The following FRRS1 variants were observed in gnomAD, a reference collection of about 807,000 sequenced individuals.
FRRS1 encodes the protein ferric chelate reductase 1.
In FRRS1, 51 loss-of-function variants were observed where a neutral mutation model predicts 70.7. The observed-to-expected ratio is 0.72, with a 90% CI of 0.58 to 0.91. The LOEUF is 0.91. Ranked by LOEUF, FRRS1 falls within the 40% of genes least tolerant of loss-of-function variation. The pLI, the probability that FRRS1 is intolerant of heterozygous loss-of-function variation, is 0.00. For missense variants in FRRS1, 672 were observed against 726.0 expected, an observed-to-expected ratio of 0.93 and a Z score of 0.86; for synonymous variants, 225 against 238.7, an observed-to-expected ratio of 0.94 and a Z score of 0.53.
intron 9 of FRRS1, 130 bp from the exon 10 acceptor site, chr1:99,719,777 G>A: frequency 1.7e-6 from 1 of 592,070 alleles, no homozygotes; most frequent in Non-Finnish European, 3.0e-6. Context: ...AATATCAACA[G>A]AGATGTCATT....
chr1:99,733,539 C>T (rs996157796), intron 7 of FRRS1, among the ~76,000 whole-genome samples: 1 of 152,172 alleles, frequency 6.6e-6, no homozygotes, highest in African/African-American at 2.4e-5. Flanking sequence ...CAAAAGGGCA[C>T]AGAAGCCTGC....
At chr1:99,728,437 G>A in intron 9 of FRRS1, 56 bp downstream of exon 9, 1 of 1,406,258 alleles carries the variant, frequency 7.1e-7, no homozygotes, top group African/African-American at 1.4e-5. Flanking sequence ...ATGGGGGAAA[G>A]AGAGGGAAGA....
intron 12 of FRRS1, among the ~76,000 whole-genome samples, chr1:99,714,455 T>C (rs756458312): frequency 1.4e-4 from 22 of 152,222 alleles, no homozygotes; most frequent in Non-Finnish European, 3.1e-4. Context: ...GTGCTGGGAT[T>C]ACAGGTGTGA....
chr1:99,710,531 G>A (rs1420654390), intron 15 of FRRS1, among the ~76,000 whole-genome samples: 1 of 152,144 alleles, frequency 6.6e-6, no homozygotes, highest in East Asian at 1.9e-4. Context: ...GTCCATACTG[G>A]CTCTAAGTCA....
chr1:99,728,466 G>T (rs1655174409), intron 9 of FRRS1, 27 bp downstream of exon 9: 9 of 1,536,822 alleles, frequency 5.9e-6, no homozygotes, highest in African/African-American at 1.4e-5. Flanking sequence ...AAAGACACTT[G>T]AAAAGACAGC....
At chr1:99,741,530 C>T (rs1655960704) in intron 5 of FRRS1, among the ~76,000 whole-genome samples, 1 of 152,192 alleles carries the variant, frequency 6.6e-6, no homozygotes, top group Admixed American at 6.5e-5. Context: ...CATTAGATGG[C>T]ATTATAACAT....
chr1:99,719,140 G>A (rs1020755029), intron 10 of FRRS1, among the ~76,000 whole-genome samples: 10 of 152,188 alleles, frequency 6.6e-5, no homozygotes, highest in Middle Eastern at 3.4e-3. Context: ...GGCTAGGCAC[G>A]GTGACTCATG....
chr1:99,716,985 G>C (rs918105542), intron 11 of FRRS1, among the ~76,000 whole-genome samples: 2 of 152,172 alleles, frequency 1.3e-5, no homozygotes, highest in Non-Finnish European at 1.5e-5. Context: ...ACAACCAGAG[G>C]AGTGACCCTT....
chr1:99,758,790 A>T (rs900570500), intron 1 of FRRS1, among the ~76,000 whole-genome samples: 6 of 152,184 alleles, frequency 3.9e-5, no homozygotes, highest in Non-Finnish European at 8.8e-5. Context: ...GATATCGCTA[A>T]ATTCTTTTCC....
chr1:99,742,308 A>G (rs554467538), intron 4 of FRRS1, 35 bp from the exon 5 acceptor site: 2 of 1,250,422 alleles, frequency 1.6e-6, no homozygotes, highest in Admixed American at 3.4e-5. Context: ...CCATTCAGTC[A>G]CTCAATAGCT....
chr1:99,727,964 C>T (rs1373236865), intron 9 of FRRS1, among the ~76,000 whole-genome samples: 1 of 152,224 alleles, frequency 6.6e-6, no homozygotes, highest in Non-Finnish European at 1.5e-5. Context: ...ACCAGCAAGG[C>T]AGTGTGAGGC....
At chr1:99,726,913 T>C (rs1655104309) in intron 9 of FRRS1, among the ~76,000 whole-genome samples, 1 of 152,122 alleles carries the variant, frequency 6.6e-6, no homozygotes, top group African/African-American at 2.4e-5. Flanking sequence ...AATAGAGACT[T>C]GGTTTTGCCA....
At chr1:99,764,408 T>C (rs941425786) in intron 1 of FRRS1, among the ~76,000 whole-genome samples, 1 of 152,308 alleles carries the variant, frequency 6.6e-6, no homozygotes, top group South Asian at 2.1e-4. Context: ...CATGTAGTGT[T>C]TTATAATTTC....
At chr1:99,749,718 G>C (rs140717348) in intron 1 of FRRS1, among the ~76,000 whole-genome samples, 3 of 152,136 alleles carry the variant, frequency 2.0e-5, no homozygotes, top group Non-Finnish European at 4.4e-5. Context: ...CCCTCCCACA[G>C]CTCCAATCTT....
rs1654140072 is a variant in FRRS1, at chr1:99,708,824, G to A, written c.*204C>T. ...CCTTTAAGACCCAGAATTACATATA[G>A]GGCATGACATTAATTTATAGTCTAT... On this transcript the variant is annotated 3_prime_UTR_variant, in exon 17 of 17. Coordinates refer to ENST00000646001, the MANE Select transcript of FRRS1 (RefSeq NM_001361041.2). 3 of 980,350 alleles carry A rather than the reference G, an allele frequency of 3.1e-6. No homozygotes were observed. The highest frequency in any genetic ancestry group is 1.6e-5 in the African/African-American group (1 of 60,658). The allele number at this position is 980,350 out of a possible 1,614,324, so 60.7% of individuals were successfully genotyped here. A position where few individuals can be genotyped will look rare whatever the true frequency, so the allele number is the denominator to read the frequency against.
chr1:99,721,744 G>A (rs1019820988), intron 9 of FRRS1, among the ~76,000 whole-genome samples: 1 of 151,614 alleles, frequency 6.6e-6, no homozygotes, highest in South Asian at 2.1e-4. Context: ...GATTACAGGA[G>A]CCTGCCACTG....
Position 99,749,044 on chromosome 1 carries a change from T to A in FRRS1, c.-105-43A>T, listed in dbSNP as rs1409140083. Reference sequence around the variant, plus strand: ...AAAGATCTCTTTTCAATGCTGTTTTTTTTTTCTCGAGACATAGATCTCGCT... The same window carrying A: ...AAAGATCTCTTTTCAATGCTGTTTTATTTTTCTCGAGACATAGATCTCGCT... On this transcript the variant is annotated intron_variant, in intron 1 of 16. Coordinates refer to ENST00000646001, the MANE Select transcript of FRRS1 (RefSeq NM_001361041.2). 1.9e-5 allele frequency: 5 copies of A among 265,370 alleles called. No individual in the cohort carries two copies. The East Asian group carries it at 4.3e-4, about 23-fold the overall frequency. 16.4% of individuals were successfully genotyped at this position (265,370 alleles called of 1,614,324 possible). A position where few individuals can be genotyped will look rare whatever the true frequency, so the allele number is the denominator to read the frequency against.
Position 99,747,388 on chromosome 1 carries a change from G to A in FRRS1, c.239C>T (p.Ala80Val), listed in dbSNP as rs192316051. 5.6e-6 allele frequency: 9 copies of A among 1,613,084 alleles called. No individual in the cohort carries two copies. Among genetic ancestry groups the A allele is most frequent in the Admixed American group, 5.0e-5 (3 of 59,970 alleles). ...GCCATTCAGATCCTCAGCATTACGCGCTTCTAGGAGAAAGCCTTTAAATGG... is the reference window on the plus strand; with the variant it reads ...GCCATTCAGATCCTCAGCATTACGCACTTCTAGGAGAAAGCCTTTAAATGG... ...GHPFKGFLLE[A>V]RNAEDLNGPP... The change falls in exon 4 of 17, where the codon GCG (alanine) becomes GTG (valine). Residue 80 changes from alanine (A) to valine (V), a missense_variant. Transcript: ENST00000646001.
At chr1:99,726,445 G>A (rs1655083909) in intron 9 of FRRS1, among the ~76,000 whole-genome samples, 1 of 152,098 alleles carries the variant, frequency 6.6e-6, no homozygotes, top group African/African-American at 2.4e-5. Flanking sequence ...AAGCAACCTG[G>A]GTTTAATTCC....
Sources: allele counts gnomAD v4.1 joint callset (sites outside exome capture counted in the v4.1 genomes callset), GRCh38; gene constraint gnomAD v4.1.1; transcripts MANE v1.5; gene names NCBI Gene and HGNC (gene_info 2026-07-23, HGNC 2026-07-21).